The following CAPZA1 variants were observed in gnomAD, a reference collection of about 807,000 sequenced individuals.
The protein encoded by CAPZA1 is capping actin protein of muscle Z-line subunit alpha 1.
In CAPZA1, 10 loss-of-function variants were observed where a neutral mutation model predicts 40.8. That is an observed-to-expected ratio of 0.25 (90% CI 0.15 to 0.42). The LOEUF is 0.42. Ranked by LOEUF, CAPZA1 falls within the 10% of genes least tolerant of loss-of-function variation. The probability of loss-of-function intolerance (pLI) is 1.00; values close to 1 mark genes in which losing one functional copy is unlikely to be tolerated. For synonymous variants in CAPZA1, 98 were observed against 115.0 expected, an observed-to-expected ratio of 0.85 and a Z score of 0.95; for missense variants, 277 against 353.8, an observed-to-expected ratio of 0.78 and a Z score of 1.74.
intron 1 of CAPZA1, among the ~76,000 whole-genome samples, chr1:112,631,315 G>A (rs1670912036): frequency 6.6e-6 from 1 of 152,208 alleles, no homozygotes; most frequent in African/African-American, 2.4e-5. Context: ...AGAATTCAGT[G>A]ATGTCTAGGT....
chr1:112,635,655 T>G (rs957102872), intron 1 of CAPZA1, among the ~76,000 whole-genome samples: 3 of 152,092 alleles, frequency 2.0e-5, no homozygotes, highest in Non-Finnish European at 2.9e-5. Flanking sequence ...CAGCTGGTCT[T>G]GAACTCCTGA....
intron 1 of CAPZA1, among the ~76,000 whole-genome samples, chr1:112,628,024 A>G (rs1670849640): frequency 6.6e-6 from 1 of 152,200 alleles, no homozygotes; most frequent in Non-Finnish European, 1.5e-5. Context: ...TCTAGTATTT[A>G]TGCTGTGTTA....
At chr1:112,654,440 CAT>C (rs1034502106) in intron 4 of CAPZA1, 23 bp from the exon 5 acceptor site, 3 of 1,498,770 alleles carry the variant, frequency 2.0e-6, no homozygotes, top group African/African-American at 1.4e-5. Flanking sequence ...TACAGTTACT[CAT>C]ATGTTTAATG....
At chr1:112,627,250 A>G (rs1180251605) in intron 1 of CAPZA1, among the ~76,000 whole-genome samples, 2 of 152,220 alleles carry the variant, frequency 1.3e-5, no homozygotes, top group Non-Finnish European at 2.9e-5. Context: ...TGATGAAATA[A>G]TGACATAGTC....
At chr1:112,638,215 G>A (rs913054258) in intron 1 of CAPZA1, among the ~76,000 whole-genome samples, 3 of 152,150 alleles carry the variant, frequency 2.0e-5, no homozygotes, top group African/African-American at 7.2e-5. Context: ...CTGGCCAAAG[G>A]AACAAGAAAT....
intron 7 of CAPZA1, among the ~76,000 whole-genome samples, chr1:112,664,889 C>G (rs112948171): frequency 0.018 from 2,678 of 152,092 alleles, 68 homozygotes; most frequent in East Asian, 0.094. Context: ...GAGCCGAGAT[C>G]GTGCCATTGC....
chr1:112,648,917 T>C (rs1671334142), intron 2 of CAPZA1, among the ~76,000 whole-genome samples: 1 of 151,326 alleles, frequency 6.6e-6, no homozygotes, highest in Non-Finnish European at 1.5e-5. Context: ...GACCCAAGAT[T>C]GCGCCATTGC....
At chr1:112,663,825 C>T (rs1486634563) in intron 7 of CAPZA1, among the ~76,000 whole-genome samples, 1 of 151,884 alleles carries the variant, frequency 6.6e-6, no homozygotes, top group African/African-American at 2.4e-5. Flanking sequence ...CTTATATTGT[C>T]TTTTCTTCTT....
rs553721668 is a variant in CAPZA1 at position 112,648,259 on chromosome 1, A to G, written c.103+986A>G. Among the ~76,000 whole-genome samples the G allele has an allele frequency of 1.5e-3, 235 of 152,234 alleles. 3 individuals are homozygous for G. Among genetic ancestry groups the G allele is most frequent in the Non-Finnish European group, 2.6e-3 (175 of 68,008 alleles). ...GGATTTTGAGCACCAACAGCAAAGG[A>G]AACAAATGCAGCCTTTTTCTAGTCT... On this transcript the variant is annotated intron_variant, in intron 2 of 9. Coordinates refer to ENST00000263168, the MANE Select transcript of CAPZA1 (RefSeq NM_006135.3).
intron 1 of CAPZA1, among the ~76,000 whole-genome samples, chr1:112,621,478 T>C (rs1465782270): frequency 3.9e-5 from 6 of 152,086 alleles, no homozygotes; most frequent in Non-Finnish European, 8.8e-5. Context: ...TCTCAAACTC[T>C]TGGGCTCAAA....
intron 1 of CAPZA1, among the ~76,000 whole-genome samples, chr1:112,628,728 T>C (rs1323736204): frequency 6.6e-6 from 1 of 152,262 alleles, no homozygotes; most frequent in East Asian, 1.9e-4. Context: ...TTTTGCATAC[T>C]GCAGCTTCTC....
intron 9 of CAPZA1, 82 bp downstream of exon 9, chr1:112,669,687 T>C (rs1671793789): frequency 9.7e-7 from 1 of 1,031,080 alleles, no homozygotes. Context: ...CCTTGTGTCC[T>C]TTAATGTAAA....
At chr1:112,669,226 G>A (rs1027444384) in intron 8 of CAPZA1, among the ~76,000 whole-genome samples, 1 of 152,204 alleles carries the variant, frequency 6.6e-6, no homozygotes, top group African/African-American at 2.4e-5. Context: ...GCGTACTGTG[G>A]TAGAGTGGAA....
At position 112,653,572 on chromosome 1, in the gene CAPZA1, TTTAA is replaced by T. The variant is rs757099104; in HGVS notation, c.156-25_156-22del. ...CTCTCTCCCTCTTTTTTTTTTTTTT[TTTAA>T]AAAACTTTTAAAAAAAAACAGTGCA... On this transcript the variant is annotated intron_variant, in intron 3 of 9. Transcript: ENST00000263168. 30 of 1,418,330 alleles carry T rather than the reference TTTAA, an allele frequency of 2.1e-5. No homozygotes were observed. Among genetic ancestry groups the T allele is most frequent in the South Asian group, 1.8e-4 (14 of 77,494 alleles). The allele number at this position is 1,418,330 out of a possible 1,614,324, so 87.9% of individuals were successfully genotyped here.
intron 5 of CAPZA1, among the ~76,000 whole-genome samples, chr1:112,656,473 A>T (rs931255960): frequency 4.6e-5 from 4 of 87,348 alleles, no homozygotes; most frequent in African/African-American, 1.7e-4. Context: ...TTTTAATGAG[A>T]ATACCCATTA....
intron 7 of CAPZA1, 72 bp from the exon 8 acceptor site, chr1:112,667,002 T>A: frequency 9.8e-7 from 1 of 1,021,602 alleles, no homozygotes; most frequent in East Asian, 2.4e-5. Context: ...GCTTAAAGCA[T>A]GGATTTGTGT....
intron 6 of CAPZA1, chr1:112,659,396 T>G (rs1223750843): frequency 1.9e-6 from 1 of 523,302 alleles, no homozygotes; most frequent in African/African-American, 1.9e-5. Flanking sequence ...CAGCAGCCTA[T>G]TCATCTGATT....
chr1:112,638,582 T>C (rs960752117), intron 1 of CAPZA1, among the ~76,000 whole-genome samples: 3 of 151,414 alleles, frequency 2.0e-5, no homozygotes, highest in African/African-American at 7.3e-5. Flanking sequence ...TCCAAAATGC[T>C]GGGATTACAG....
At chr1:112,636,767 C>T (rs1473799206) in intron 1 of CAPZA1, among the ~76,000 whole-genome samples, 1 of 152,098 alleles carries the variant, frequency 6.6e-6, no homozygotes, top group South Asian at 2.1e-4. Flanking sequence ...GAATGATTGA[C>T]TAAATCACTG....
Sources: gnomAD v4.1 joint callset for allele counts (sites outside exome capture counted in the v4.1 genomes callset) on GRCh38, gnomAD v4.1.1 for gene constraint, MANE v1.5 for transcripts, NCBI Gene and HGNC (gene_info 2026-07-23, HGNC 2026-07-21) for gene names.